PTPRN2: variants seen among roughly 807,000 people sequenced by gnomAD.
The protein encoded by PTPRN2 is receptor-type tyrosine-protein phosphatase N2.
Under a neutral mutation model 118.8 loss-of-function variants are expected in PTPRN2, and 74 were observed. The observed-to-expected ratio is 0.62, with a 90% confidence interval of 0.52 to 0.76. PTPRN2 has a LOEUF of 0.76. PTPRN2 is among the 30% of genes least tolerant of loss of function. The probability of loss-of-function intolerance (pLI) is 0.00; values close to 1 mark genes in which losing one functional copy is unlikely to be tolerated. For synonymous variants in PTPRN2, 641 were observed against 608.0 expected, an observed-to-expected ratio of 1.05 and a Z score of -0.80; for missense variants, 1,481 against 1,394.4, an observed-to-expected ratio of 1.06 and a Z score of -0.99.
rs186066027 is a variant in PTPRN2, at chr7:157,841,079, C to T, written c.1788+57594G>A. On this transcript the variant is annotated intron_variant, in intron 12 of 22. Coordinates refer to ENST00000389418, the MANE Select transcript of PTPRN2 (RefSeq NM_002847.5). ...GTGCCAGCCGTGTCCGCCCTGCACT[C>T]GCTCCCAGCACAGGGCAGAGGCGGT... 4.4e-3 allele frequency among the ~76,000 whole-genome samples: 665 copies of T among 152,366 alleles called. 14 individuals carry two copies. In the South Asian group the frequency reaches 0.052, roughly 12 times the overall value.
intron 1 of PTPRN2, among the ~76,000 whole-genome samples, chr7:158,523,836 G>A (rs1273304914): frequency 2.4e-3 from 134 of 55,358 alleles, no homozygotes; most frequent in Non-Finnish European, 3.5e-3. Flanking sequence ...GAGTGGAGTC[G>A]TCTACCCTGG....
chr7:157,629,290 T>A lies in PTPRN2; in HGVS notation c.2197-7781A>T, dbSNP rs965924877. On this transcript the variant is annotated intron_variant, in intron 14 of 22. Transcript: ENST00000389418. This position sits in a 1 kb window ranked among gnomAD's most constrained non-coding sequence, Gnocchi z 4.4. ...GAGGCAGAAGAAAGGCTGGAGCAGGTCAGTGCTATTTCAGCTCCATTCAGA... is the reference window on the plus strand; with the variant it reads ...GAGGCAGAAGAAAGGCTGGAGCAGGACAGTGCTATTTCAGCTCCATTCAGA... Among the ~76,000 whole-genome samples, 1 of 152,076 alleles carries A rather than the reference T, an allele frequency of 6.6e-6. No individual in the cohort carries two copies. Among genetic ancestry groups the A allele is most frequent in the Non-Finnish European group, 1.5e-5 (1 of 68,020 alleles).
intron 11 of PTPRN2, among the ~76,000 whole-genome samples, chr7:158,035,808 G>C (rs1294082207): frequency 6.6e-6 from 1 of 152,162 alleles, no homozygotes; most frequent in African/African-American, 2.4e-5. Context: ...CCAACAATGA[G>C]AGTTCTTGGG....
chr7:158,100,430 T>C (rs928006640), intron 10 of PTPRN2, among the ~76,000 whole-genome samples: 2 of 152,222 alleles, frequency 1.3e-5, no homozygotes, highest in Non-Finnish European at 2.9e-5. Context: ...AGCAGTGGGA[T>C]TGCTGAATCA....
intron 2 of PTPRN2, among the ~76,000 whole-genome samples, chr7:158,395,799 C>CGCGAGGG (rs1343282214): frequency 7.2e-5 from 3 of 41,712 alleles, no homozygotes; most frequent in African/African-American, 1.8e-4. Flanking sequence ...AGGGGTGAGG[C>CGCGAGGG]GCGAGGGGCG....
intron 12 of PTPRN2, among the ~76,000 whole-genome samples, chr7:157,894,257 C>G (rs1756900729): frequency 6.6e-6 from 1 of 152,184 alleles, no homozygotes; most frequent in Admixed American, 6.5e-5. Context: ...CTGAGAGGAG[C>G]AATCAAAACC....
At chr7:157,554,992 T>TGTGGTGGGCGC in intron 21 of PTPRN2, among the ~76,000 whole-genome samples, 1 of 151,772 alleles carries the variant, frequency 6.6e-6, no homozygotes, top group Middle Eastern at 3.4e-3. Flanking sequence ...GTGGCGGGCG[T>TGTGGTGGGCGC]CCCAGTGTGG....
intron 11 of PTPRN2, among the ~76,000 whole-genome samples, chr7:158,049,217 C>A (rs904305154): frequency 2.6e-5 from 4 of 151,820 alleles, no homozygotes; most frequent in Non-Finnish European, 5.9e-5. Context: ...TCATCATCAT[C>A]ATTGTCATCA....
Position 157,849,364 on chromosome 7 carries a change from G to A in PTPRN2, c.1788+49309C>T, listed in dbSNP as rs867176448. Among the ~76,000 whole-genome samples, 21 of 152,292 alleles carry A rather than the reference G, an allele frequency of 1.4e-4. 1 individual carries two copies. The Middle Eastern group carries it at 0.02, about 148-fold the overall frequency. On this transcript the variant is annotated intron_variant, in intron 12 of 22. Coordinates refer to ENST00000389418, the MANE Select transcript of PTPRN2 (RefSeq NM_002847.5). ...GATTCATGTCAGACACTACGGGGCC[G>A]AGGCTCATGTGGGTGTGCGTCCTCT... is the stretch of plus-strand genomic sequence containing the variant.
chr7:157,673,636 C>T (rs1434186788), intron 13 of PTPRN2, among the ~76,000 whole-genome samples: 1 of 152,116 alleles, frequency 6.6e-6, no homozygotes, highest in Non-Finnish European at 1.5e-5. Context: ...TCCTCTCCCG[C>T]CCCACAGAGG....
intron 11 of PTPRN2, among the ~76,000 whole-genome samples, chr7:157,983,881 G>A (rs766649715): frequency 5.3e-5 from 8 of 152,176 alleles, no homozygotes; most frequent in Non-Finnish European, 1.0e-4. Context: ...CTAGTGTCCT[G>A]GTGCCTGGAC....
chr7:158,120,798 A>T (rs1460912405), intron 9 of PTPRN2, among the ~76,000 whole-genome samples: 1 of 152,124 alleles, frequency 6.6e-6, no homozygotes, highest in African/African-American at 2.4e-5. Flanking sequence ...TGCCAGAAAA[A>T]GTGTCAGAAT....
rs76632053 is a variant in PTPRN2 at position 157,677,502 on chromosome 7, G to A, written c.2001+5223C>T. 8.6e-3 allele frequency among the ~76,000 whole-genome samples: 1,302 copies of A among 152,144 alleles called. 23 individuals are homozygous for A. The highest frequency in any genetic ancestry group is 0.029 in the African/African-American group (1,208 of 41,472). On this transcript the variant is annotated intron_variant, in intron 13 of 22. Coordinates refer to ENST00000389418, the MANE Select transcript of PTPRN2 (RefSeq NM_002847.5). ...TCTGAGGAAGCATTTTGGGCAAAAC[G>A]GCAGGATGTACACTGCTTTTGGAAA...
At chr7:158,062,980 A>C (rs997562203) in intron 11 of PTPRN2, among the ~76,000 whole-genome samples, 2 of 152,238 alleles carry the variant, frequency 1.3e-5, no homozygotes, top group African/African-American at 4.8e-5. Context: ...ACTGGCAGGC[A>C]GCTCCGCCTG....
At chr7:158,274,483 A>AGGAGCCGCAGGCGCAGGG (rs1798823186) in intron 3 of PTPRN2, among the ~76,000 whole-genome samples, 1 of 114,474 alleles carries the variant, frequency 8.7e-6, no homozygotes, top group African/African-American at 3.0e-5. Flanking sequence ...GAGACACACG[A>AGGAGCCGCAGGCGCAGGG]GGAGCCGCAG....
chr7:157,958,534 A>C (rs1371386093), intron 11 of PTPRN2, among the ~76,000 whole-genome samples: 1 of 152,240 alleles, frequency 6.6e-6, no homozygotes, highest in Non-Finnish European at 1.5e-5. Flanking sequence ...GTTAGAACTT[A>C]ATAGAATTTA....
chr7:158,142,882 T>C (rs1229751888), intron 6 of PTPRN2, among the ~76,000 whole-genome samples: 2 of 152,196 alleles, frequency 1.3e-5, no homozygotes, highest in African/African-American at 4.8e-5. Flanking sequence ...AGGCTCACGT[T>C]GTTTCACAGA....
chr7:158,541,390 A>G, intron 1 of PTPRN2: 2 of 1,317,446 alleles, frequency 1.5e-6, no homozygotes, highest in Non-Finnish European at 2.0e-6. Flanking sequence ...TTAAGGCCAA[A>G]ATGCCAGCAA....
chr7:158,469,504 G>C (rs1333280037), intron 2 of PTPRN2, among the ~76,000 whole-genome samples: 1 of 152,202 alleles, frequency 6.6e-6, no homozygotes, highest in Non-Finnish European at 1.5e-5. Flanking sequence ...AATGTGTAAA[G>C]TGTGGGTCTA....
Sources: gnomAD v4.1 joint callset for allele counts (sites outside exome capture counted in the v4.1 genomes callset) on GRCh38, gnomAD v4.1.1 for gene constraint, Gnocchi (gnomAD v3.1) non-coding constraint, MANE v1.5 for transcripts, NCBI Gene and HGNC (gene_info 2026-07-23, HGNC 2026-07-21) for gene names.